The following SCNN1B variants were observed in gnomAD, a reference collection of about 807,000 sequenced individuals.
The protein encoded by SCNN1B is sodium channel epithelial 1 subunit beta, also known as epithelial sodium channel subunit beta.
Under a neutral mutation model 65.3 loss-of-function variants are expected in SCNN1B, and 46 were observed. That is an observed-to-expected ratio of 0.70 (90% CI 0.56 to 0.90). The LOEUF is 0.90. Ranked by LOEUF, SCNN1B falls within the 40% of genes least tolerant of loss-of-function variation. The pLI is 0.00. For synonymous variants in SCNN1B, 349 were observed against 330.6 expected (o/e 1.06, Z -0.60); for missense variants, 751 against 830.5 (o/e 0.90, Z 1.18).
intron 1 of SCNN1B, among the ~76,000 whole-genome samples, chr16:23,280,626 C>T (rs559042113): frequency 3.9e-5 from 6 of 152,236 alleles, no homozygotes; most frequent in Middle Eastern, 3.4e-3. Flanking sequence ...AATCAGGAGG[C>T]GAACTCAAAT....
chr16:23,321,381 G>T (rs1596833503), intron 1 of SCNN1B, among the ~76,000 whole-genome samples: 1 of 152,006 alleles, frequency 6.6e-6, no homozygotes, highest in South Asian at 2.1e-4. Flanking sequence ...GCTTGCCTCT[G>T]GCTGGGGCTC....
intron 3 of SCNN1B, among the ~76,000 whole-genome samples, chr16:23,354,704 C>T (rs1342621548): frequency 6.6e-6 from 1 of 152,128 alleles, no homozygotes; most frequent in Non-Finnish European, 1.5e-5. Context: ...GGAATCAGAA[C>T]TGTGTGTGTG....
At chr16:23,371,915 G>A (rs1962794504) in intron 7 of SCNN1B, 32 bp downstream of exon 7, 3 of 1,532,978 alleles carry the variant, frequency 2.0e-6, no homozygotes, top group East Asian at 4.5e-5. Context: ...CATGCCCCGG[G>A]GCCCCTGTCC....
At chr16:23,312,467 T>G (rs928271985) in intron 1 of SCNN1B, among the ~76,000 whole-genome samples, 9 of 151,962 alleles carry the variant, frequency 5.9e-5, no homozygotes, top group Non-Finnish European at 1.5e-5. Flanking sequence ...CGTGAGGCAT[T>G]AGCAAGCCAA....
intron 2 of SCNN1B, among the ~76,000 whole-genome samples, chr16:23,288,888 G>A (rs552753606): frequency 8.5e-5 from 13 of 152,260 alleles, no homozygotes; most frequent in African/African-American, 2.2e-4. Flanking sequence ...TGTTGGACTC[G>A]GGGCCTCAGT....
rs754870059 is a variant in SCNN1B at position 23,375,883 on chromosome 16, T to A, written c.1270+28T>A. 11 of 1,432,692 alleles carry A rather than the reference T, an allele frequency of 7.7e-6. No homozygotes were observed. In the African/African-American group the frequency reaches 1.1e-4, roughly 15 times the overall value. 88.7% of individuals were successfully genotyped at this position (1,432,692 alleles called of 1,614,324 possible). On this transcript the variant is annotated intron_variant, in intron 8 of 12. Coordinates refer to ENST00000343070, the MANE Select transcript of SCNN1B (RefSeq NM_000336.3). ...GAGCGGGGGCACGGGGGATCGGCACTCCAGCCATCTGGGGCCACAGAGGCT... is the reference window on the plus strand; with the variant it reads ...GAGCGGGGGCACGGGGGATCGGCACACCAGCCATCTGGGGCCACAGAGGCT...
intron 2 of SCNN1B, among the ~76,000 whole-genome samples, chr16:23,349,798 T>TA (rs1962271381): frequency 1.3e-5 from 2 of 151,926 alleles, no homozygotes; most frequent in Admixed American, 1.3e-4. Context: ...ATTATGATGA[T>TA]AAAAAATAAA....
At chr16:23,357,687 T>C (rs1567310056) in intron 4 of SCNN1B, among the ~76,000 whole-genome samples, 1 of 152,190 alleles carries the variant, frequency 6.6e-6, no homozygotes, top group South Asian at 2.1e-4. Context: ...ATATGTCCCA[T>C]TGTACAGATT....
At chr16:23,279,102 G>A (rs1167904005) in intron 1 of SCNN1B, among the ~76,000 whole-genome samples, 1 of 151,066 alleles carries the variant, frequency 6.6e-6, no homozygotes, top group African/African-American at 2.4e-5. Context: ...TGTGTGATGG[G>A]GGCTGACTCT....
At chr16:23,357,313 T>C (rs1962440314) in intron 4 of SCNN1B, among the ~76,000 whole-genome samples, 1 of 152,254 alleles carries the variant, frequency 6.6e-6, no homozygotes. Context: ...ACCGGACATG[T>C]GGCTCACGCC....
At chr16:23,342,251 G>T (rs905118954) in intron 1 of SCNN1B, among the ~76,000 whole-genome samples, 1 of 152,112 alleles carries the variant, frequency 6.6e-6, no homozygotes, top group African/African-American at 2.4e-5. Context: ...GTGCAATTCC[G>T]TTTTTTGTTT....
At chr16:23,340,756 A>ATAG (rs1962038764) in intron 1 of SCNN1B, among the ~76,000 whole-genome samples, 22 of 152,182 alleles carry the variant, frequency 1.4e-4, no homozygotes, top group Admixed American at 1.4e-3. Context: ...AGAGCTCCTT[A>ATAG]ATCCAATGAT....
chr16:23,375,226 T>C (rs941444778), intron 7 of SCNN1B, among the ~76,000 whole-genome samples: 3 of 152,192 alleles, frequency 2.0e-5, no homozygotes, highest in African/African-American at 7.2e-5. Flanking sequence ...ACTTCCTCTG[T>C]CATCAGCTGT....
At chr16:23,346,623 A>T (rs928545763) in intron 1 of SCNN1B, among the ~76,000 whole-genome samples, 3 of 151,506 alleles carry the variant, frequency 2.0e-5, no homozygotes, top group Non-Finnish European at 2.9e-5. Flanking sequence ...AACACAGTCC[A>T]CAAGCCCTTG....
chr16:23,287,819 T>TC (rs1474105995), intron 2 of SCNN1B, among the ~76,000 whole-genome samples: 1 of 151,596 alleles, frequency 6.6e-6, no homozygotes, highest in African/African-American at 2.4e-5. Context: ...TCCTTTTTTT[T>TC]TTTTTTAAGA....
upstream of SCNN1B, among the ~76,000 whole-genome samples, chr16:23,298,809 C>G (rs547249317): frequency 6.6e-6 from 1 of 152,186 alleles, no homozygotes; most frequent in Non-Finnish European, 1.5e-5. Context: ...TGCCTTAAAA[C>G]TTGCCAGCCT....
intron 7 of SCNN1B, among the ~76,000 whole-genome samples, chr16:23,373,188 A>T (rs533126840): frequency 6.6e-6 from 1 of 152,308 alleles, no homozygotes; most frequent in South Asian, 2.1e-4. Context: ...GTGCCATCAT[A>T]GTTCACTGCA....
chr16:23,364,461 C>T (rs1393293056), intron 4 of SCNN1B, among the ~76,000 whole-genome samples: 1 of 151,886 alleles, frequency 6.6e-6, no homozygotes, highest in Non-Finnish European at 1.5e-5. Flanking sequence ...ACATAGAAGG[C>T]CAGCATAGGG....
intron 1 of SCNN1B, among the ~76,000 whole-genome samples, chr16:23,305,599 A>ATATTATATATATATATATAT (rs1961200342): frequency 8.8e-6 from 1 of 114,100 alleles, no homozygotes; most frequent in African/African-American, 3.3e-5. Flanking sequence ...ATATATATAT[A>ATATTATATATATATATATAT]ACCTGGGTGT....
Sources: allele counts gnomAD v4.1 joint callset (sites outside exome capture counted in the v4.1 genomes callset), GRCh38; gene constraint gnomAD v4.1.1; transcripts MANE v1.5; gene names NCBI Gene and HGNC (gene_info 2026-07-23, HGNC 2026-07-21).